CRPPA: variants seen among roughly 807,000 people sequenced by gnomAD.
The protein encoded by CRPPA is CDP-L-ribitol pyrophosphorylase A.
In CRPPA, 43 loss-of-function variants were observed where a neutral mutation model predicts 52.0. The observed-to-expected ratio is 0.83, with a 90% CI of 0.65 to 1.07. The LOEUF (loss-of-function observed/expected upper bound fraction) is 1.07. Among genes scored for constraint, CRPPA ranks in the 50% least tolerant of loss-of-function variants. The pLI, the probability that CRPPA is intolerant of heterozygous loss-of-function variation, is 0.00. For synonymous variants in CRPPA, 250 were observed against 203.5 expected, an observed-to-expected ratio of 1.23 and a Z score of -1.94; for missense variants, 629 against 551.7, an observed-to-expected ratio of 1.14 and a Z score of -1.40.
At chr7:16,235,873 T>A (rs1453295980) in intron 8 of CRPPA, 5 of 152,130 alleles carry the variant, frequency 3.3e-5, no homozygotes, top group Non-Finnish European at 7.4e-5. Flanking sequence ...GAACTGGGGA[T>A]AATGCTATCT....
intron 6 of CRPPA, among the ~76,000 whole-genome samples, chr7:16,264,182 A>G (rs965951569): frequency 6.6e-6 from 1 of 152,174 alleles, no homozygotes; most frequent in Non-Finnish European, 1.5e-5. Flanking sequence ...ACAATAGACA[A>G]CGCTATTAGG....
intron 2 of CRPPA, among the ~76,000 whole-genome samples, chr7:16,388,755 A>G (rs1216322303): frequency 6.6e-6 from 1 of 152,134 alleles, no homozygotes; most frequent in Non-Finnish European, 1.5e-5. Context: ...GCATGGCTGT[A>G]ATCCCAGTTA....
intron 2 of CRPPA, among the ~76,000 whole-genome samples, chr7:16,385,880 G>T (rs1021668450): frequency 6.6e-6 from 1 of 152,196 alleles, no homozygotes; most frequent in Non-Finnish European, 1.5e-5. Flanking sequence ...GGCAGGTGCA[G>T]TAGCCAGAGC....
intron 9 of CRPPA, among the ~76,000 whole-genome samples, chr7:16,098,304 A>G (rs1034255943): frequency 6.6e-6 from 1 of 152,228 alleles, no homozygotes; most frequent in Non-Finnish European, 1.5e-5. Flanking sequence ...AAGGAAAACT[A>G]TAAAGTTAAA....
chr7:16,319,529 T>C (rs938127763), intron 3 of CRPPA, among the ~76,000 whole-genome samples: 11 of 152,242 alleles, frequency 7.2e-5, no homozygotes, highest in African/African-American at 1.4e-4. Context: ...AATTCTCCAA[T>C]AGCTTTCTGT....
intron 9 of CRPPA, among the ~76,000 whole-genome samples, chr7:16,215,618 T>TAAC (rs1160851060): frequency 6.6e-6 from 1 of 152,190 alleles, no homozygotes; most frequent in Admixed American, 6.5e-5. Context: ...ACCAATATCT[T>TAAC]TAACATAACA....
At chr7:16,347,774 G>C (rs1487617748) in intron 3 of CRPPA, among the ~76,000 whole-genome samples, 1 of 152,130 alleles carries the variant, frequency 6.6e-6, no homozygotes, top group Non-Finnish European at 1.5e-5. Flanking sequence ...CCATAAAATT[G>C]AAAGAATTCC....
intron 8 of CRPPA, among the ~76,000 whole-genome samples, chr7:16,233,879 C>T (rs1237533654): frequency 6.6e-6 from 1 of 152,026 alleles, no homozygotes; most frequent in Non-Finnish European, 1.5e-5. Context: ...TTTTGTTCTA[C>T]TTTATATTTA....
intron 3 of CRPPA, among the ~76,000 whole-genome samples, chr7:16,371,129 G>A (rs1554345561): frequency 1.3e-5 from 2 of 152,036 alleles, no homozygotes; most frequent in Non-Finnish European, 2.9e-5. Context: ...GTCTAATTGA[G>A]AGCTCCCCCA....
In CRPPA at chr7:16,406,128, T is replaced by C; in HGVS notation, c.467A>G (p.Asp156Gly). 1 of 1,613,966 alleles carries C rather than the reference T, an allele frequency of 6.2e-7. No homozygotes were observed. Among genetic ancestry groups the C allele is most frequent in the Non-Finnish European group, 8.5e-7 (1 of 1,179,854 alleles). The change falls in exon 2 of 10, where the codon GAT (aspartate) becomes GGT (glycine). Residue 156 changes from aspartate to glycine, a missense_variant. Coordinates refer to ENST00000407010, the MANE Select transcript of CRPPA (RefSeq NM_001101426.4). The part of the protein sequence containing the change: ...LSKPEVVIIH[D>G]AVRPFVEEGV... ...TTCCTCAACAAATGGTCTCACAGCA[T>C]CATGGATAATCACTACTTCTGGCTT...
intron 1 of CRPPA, among the ~76,000 whole-genome samples, chr7:16,419,978 C>A (rs748214492): frequency 2.6e-5 from 4 of 152,196 alleles, no homozygotes; most frequent in Non-Finnish European, 5.9e-5. Flanking sequence ...ATTCCCCTGT[C>A]TTGATAAATC....
intron 2 of CRPPA, among the ~76,000 whole-genome samples, chr7:16,404,784 A>G (rs1787912015): frequency 6.6e-6 from 1 of 152,128 alleles, no homozygotes; most frequent in Admixed American, 6.6e-5. Context: ...GCAACTGATT[A>G]CCTTGCCTCT....
intron 9 of CRPPA, among the ~76,000 whole-genome samples, chr7:16,197,088 C>T (rs1781755434): frequency 6.6e-6 from 1 of 151,484 alleles, no homozygotes; most frequent in Non-Finnish European, 1.5e-5. Context: ...AAACATGGCA[C>T]ACCTACATCA....
chr7:16,100,430 A>G (rs1202433678), intron 9 of CRPPA, among the ~76,000 whole-genome samples: 1 of 152,240 alleles, frequency 6.6e-6, no homozygotes, highest in Admixed American at 6.5e-5. Flanking sequence ...CAAACATAGT[A>G]CTATGTCCAC....
intron 9 of CRPPA, among the ~76,000 whole-genome samples, chr7:16,108,057 T>C (rs1341672240): frequency 2.0e-5 from 3 of 151,646 alleles, no homozygotes; most frequent in African/African-American, 7.2e-5. Flanking sequence ...AACCATTAAA[T>C]CACAAGAGAA....
At chr7:16,410,060 A>G (rs1788045007) in intron 1 of CRPPA, among the ~76,000 whole-genome samples, 1 of 152,208 alleles carries the variant, frequency 6.6e-6, no homozygotes, top group Admixed American at 6.5e-5. Context: ...ACAAATATAT[A>G]AATAAATCTA....
chr7:16,231,399 C>T (rs1188604409), intron 8 of CRPPA, among the ~76,000 whole-genome samples: 1 of 152,042 alleles, frequency 6.6e-6, no homozygotes, highest in Non-Finnish European at 1.5e-5. Context: ...TTCCACCCAT[C>T]CAGAACATGT....
At chr7:16,106,684 C>A (rs1460488783) in intron 9 of CRPPA, among the ~76,000 whole-genome samples, 1 of 152,122 alleles carries the variant, frequency 6.6e-6, no homozygotes, top group Non-Finnish European at 1.5e-5. Flanking sequence ...GGGCTGCTGT[C>A]TCAAATGTAC....
chr7:16,168,764 G>A (rs987696033), intron 9 of CRPPA, among the ~76,000 whole-genome samples: 3 of 152,006 alleles, frequency 2.0e-5, no homozygotes, highest in South Asian at 2.1e-4. Context: ...CCAGACTGAC[G>A]GTTACGTTAA....
Sources: allele counts gnomAD v4.1 joint callset (sites outside exome capture counted in the v4.1 genomes callset), GRCh38; gene constraint gnomAD v4.1.1; transcripts MANE v1.5; gene names NCBI Gene and HGNC (gene_info 2026-07-23, HGNC 2026-07-21).